The following ITIH2 variants were observed in gnomAD, a reference collection of about 807,000 sequenced individuals.
ITIH2 encodes the protein inter-alpha-trypsin inhibitor heavy chain 2, also known as inter-alpha-trypsin inhibitor heavy chain H2.
ITIH2 carries 103 observed loss-of-function variants against 104.4 expected under a neutral mutation model. That is an observed-to-expected ratio of 0.99 (90% CI 0.84 to 1.16). The LOEUF is 1.16. Among genes scored for constraint, ITIH2 ranks in the 50% most tolerant of loss-of-function variants. The pLI is 0.00. For synonymous variants in ITIH2, 436 were observed against 435.4 expected, an observed-to-expected ratio of 1.00 and a Z score of -0.02; for missense variants, 1,108 against 1,162.4, an observed-to-expected ratio of 0.95 and a Z score of 0.68.
At chr10:7,747,504 G>A (rs1402765074) in intron 20 of ITIH2, among the ~76,000 whole-genome samples, 2 of 152,172 alleles carry the variant, frequency 1.3e-5, no homozygotes, top group African/African-American at 2.4e-5. Context: ...GAGGAATGAG[G>A]TACCGACGGG....
Position 7,717,645 on chromosome 10 carries a change from G to A in ITIH2, c.487G>A (p.Glu163Lys). Residue 163 changes from glutamate (E) to lysine (K), a missense_variant, in exon 6 of 21, where the codon GAA becomes AAA. Physicochemically the swap from Glu to Lys is moderately conservative, Grantham distance 56. Coordinates refer to ENST00000358415, the MANE Select transcript of ITIH2 (RefSeq NM_002216.3). The part of the protein sequence containing the change: ...GLVRSSALDM[E>K]NFRTEVNVLP... ...CTTTAGGAGCAGCGCTCTTGATATG[G>A]AAAACTTCAGAACGGAAGTAAATGT... 1 of 1,613,718 alleles carries A rather than the reference G, an allele frequency of 6.2e-7. No homozygotes were observed. The highest frequency in any genetic ancestry group is 2.2e-5 in the East Asian group (1 of 44,864).
At chr10:7,706,893 T>A (rs1296978771) in intron 2 of ITIH2, among the ~76,000 whole-genome samples, 3 of 152,148 alleles carry the variant, frequency 2.0e-5, no homozygotes, top group Admixed American at 6.5e-5. Flanking sequence ...GCAAATAGCA[T>A]CAAGGGGATA....
intron 9 of ITIH2, among the ~76,000 whole-genome samples, chr10:7,726,337 G>A (rs1834951332): frequency 6.6e-6 from 1 of 152,214 alleles, no homozygotes; most frequent in Non-Finnish European, 1.5e-5. Context: ...AATTGCTGGA[G>A]CCATGATCTT....
At chr10:7,737,794 TAA>T (rs1835080160) in intron 15 of ITIH2, among the ~76,000 whole-genome samples, 1 of 17,642 alleles carries the variant, frequency 5.7e-5, no homozygotes, top group Admixed American at 1.4e-3. Flanking sequence ...ATATTCTATA[TAA>T]TATTCTATAT....
Position 7,746,623 on chromosome 10 carries a change from T to A in ITIH2, c.2612T>A (p.Ile871Asn), listed in dbSNP as rs200273364. 19 of 1,613,554 alleles carry A rather than the reference T, an allele frequency of 1.2e-5. No individual in the cohort carries two copies. In the East Asian group the frequency reaches 4.2e-4, roughly 36 times the overall value. ...TTCATGCAGGAACCAAAGATACACATCTTCAATGAGAGACCAGGAAAGGAC... is the reference window on the plus strand; with the variant it reads ...TTCATGCAGGAACCAAAGATACACAACTTCAATGAGAGACCAGGAAAGGAC... Reference protein sequence around the residue: ...GQFMQEPKIHIFNERPGKDPE... With the variant: ...GQFMQEPKIHNFNERPGKDPE... Residue 871 changes from isoleucine to asparagine, a missense_variant, in exon 20 of 21, where the codon ATC becomes AAC. Ile to Asn is a moderately radical substitution (Grantham distance 149). Transcript: ENST00000358415.
intron 5 of ITIH2, among the ~76,000 whole-genome samples, chr10:7,715,373 A>G (rs58589360): frequency 0.15 from 23,454 of 151,934 alleles, 1,871 homozygotes; most frequent in Admixed American, 0.21. Context: ...GTGAGTCGAC[A>G]TTGTGCCACT....
chr10:7,735,054 G>T lies in ITIH2; in HGVS notation c.1920G>T (p.Leu640=). The stretch of plus-strand genomic sequence containing the variant: ...ACGAGGCTGGGGATGAGCGCATGCT[G>T]GCGGATGCCCCACCGCAGGATCCCT... The part of the protein sequence containing the change: ...IENEAGDERM[L]ADAPPQDPSC... Residue 640 remains leucine, a synonymous_variant, in exon 15 of 21, where the codon CTG becomes CTT. Coordinates refer to ENST00000358415, the MANE Select transcript of ITIH2 (RefSeq NM_002216.3). 1 of 1,612,228 alleles carries T rather than the reference G, an allele frequency of 6.2e-7. No homozygotes were observed. Among genetic ancestry groups the T allele is most frequent in the Non-Finnish European group, 8.5e-7 (1 of 1,179,996 alleles).
chr10:7,708,053 A>G (rs1834763728), intron 3 of ITIH2, among the ~76,000 whole-genome samples: 1 of 152,256 alleles, frequency 6.6e-6, no homozygotes, highest in African/African-American at 2.4e-5. Flanking sequence ...AGAAACTGCC[A>G]GAAGTGCACA....
At chr10:7,716,727 C>A (rs1834853020) in intron 5 of ITIH2, among the ~76,000 whole-genome samples, 1 of 141,314 alleles carries the variant, frequency 7.1e-6, no homozygotes, top group Non-Finnish European at 1.5e-5. Context: ...CAGAGCGAGA[C>A]CCCAGCTCAA....
chr10:7,711,925 C>G lies in ITIH2; in HGVS notation c.363-1256C>G, dbSNP rs143578181. Reference sequence around the variant, plus strand: ...AAATTCTGGATTCTACCACTCTGACCAACCATTACTTGGTAAGGATTAGGT... The same window carrying G: ...AAATTCTGGATTCTACCACTCTGACGAACCATTACTTGGTAAGGATTAGGT... On this transcript the variant is annotated intron_variant, in intron 4 of 20. Coordinates refer to ENST00000358415, the MANE Select transcript of ITIH2 (RefSeq NM_002216.3). 5.8e-3 allele frequency among the ~76,000 whole-genome samples: 879 copies of G among 152,268 alleles called. 7 individuals are homozygous for G. Among genetic ancestry groups the G allele is most frequent in the African/African-American group, 0.02 (831 of 41,544 alleles).
intron 3 of ITIH2, among the ~76,000 whole-genome samples, chr10:7,708,444 T>G (rs1834766666): frequency 6.6e-6 from 1 of 152,208 alleles, no homozygotes; most frequent in African/African-American, 2.4e-5. Flanking sequence ...TGTCTCTTGC[T>G]TACACCCGTC....
chr10:7,749,319 T>C lies in ITIH2; in HGVS notation c.2826T>C (p.Phe942=). Residue 942 remains phenylalanine (F), a synonymous_variant, in exon 21 of 21, where the codon TTT becomes TTC. Coordinates refer to ENST00000358415, the MANE Select transcript of ITIH2 (RefSeq NM_002216.3). ...ACTTCGTGCCTCAGCTCTACAGCTT[T>C]CTCAAACGGCCTTAAAGGTTTATAG... ...KDYFVPQLYS[F]LKRP 6.2e-7 allele frequency: 1 copy of C among 1,614,068 alleles called. No individual in the cohort carries two copies. The highest frequency in any genetic ancestry group is 8.5e-7 in the Non-Finnish European group (1 of 1,179,920).
rs900863559 is a variant in ITIH2, at chr10:7,744,345, C to T, written c.2408+65C>T. The T allele has an allele frequency of 4.8e-6, 6 of 1,241,748 alleles. No individual in the cohort carries two copies. The South Asian group carries it at 6.5e-5, about 13-fold the overall frequency. 76.9% of individuals were successfully genotyped at this position (1,241,748 alleles called of 1,614,324 possible). On this transcript the variant is annotated intron_variant, in intron 18 of 20. Transcript: ENST00000358415. ...ACACGACTGCATAAATAAATCCAGG[C>T]ATCAGTGACATCAACATTGAAAAAA...
intron 5 of ITIH2, among the ~76,000 whole-genome samples, chr10:7,714,050 T>C (rs979181070): frequency 1.3e-5 from 2 of 151,908 alleles, no homozygotes; most frequent in Non-Finnish European, 2.9e-5. Context: ...TTTCCCCTTA[T>C]AATCTAAGTA....
chr10:7,742,070 C>T (rs1417811371), intron 16 of ITIH2, among the ~76,000 whole-genome samples: 1 of 152,226 alleles, frequency 6.6e-6, no homozygotes, highest in Admixed American at 6.5e-5. Flanking sequence ...TTCATTCTAT[C>T]TTACATTCGT....
At position 7,703,811 on chromosome 10, in the gene ITIH2, T is replaced by A. The variant is rs192820434; in HGVS notation, c.84+293T>A. On this transcript the variant is annotated intron_variant, in intron 1 of 20. Coordinates refer to ENST00000358415, the MANE Select transcript of ITIH2 (RefSeq NM_002216.3). ...AAAAAATTGGGGGTAAGAATAGACC[T>A]AACCCAATGGTTTGCTTTGAGAATT... Among the ~76,000 whole-genome samples, 207 of 152,320 alleles carry A rather than the reference T, an allele frequency of 1.4e-3. 2 individuals carry two copies. Among genetic ancestry groups the A allele is most frequent in the African/African-American group, 4.8e-3 (200 of 41,574 alleles).
intron 6 of ITIH2, 113 bp downstream of exon 6, chr10:7,717,901 T>A: frequency 9.6e-7 from 1 of 1,037,336 alleles, no homozygotes; most frequent in Non-Finnish European, 1.4e-6. Context: ...CACTCAACTC[T>A]ACAAGACAGT....
chr10:7,718,727 G>A (rs1347028526), intron 6 of ITIH2, among the ~76,000 whole-genome samples: 1 of 152,002 alleles, frequency 6.6e-6, no homozygotes, highest in Non-Finnish European at 1.5e-5. Flanking sequence ...CTTTCTTTGT[G>A]TCCATGTGTA....
Position 7,738,744 on chromosome 10 carries a change from C to T in ITIH2, c.2081C>T (p.Pro694Leu). The T allele has an allele frequency of 1.2e-6, 2 of 1,611,008 alleles. No homozygotes were observed. Among genetic ancestry groups the T allele is most frequent in the African/African-American group, 1.3e-5 (1 of 74,844 alleles). The stretch of plus-strand genomic sequence containing the variant: ...CAGGTGCTAGAGTCCACGCCACCCC[C>T]ACATGTGATGAGAGGTAACGCTTCT... Reference protein sequence around the residue: ...GSQVLESTPPPHVMRVENDPH... With the variant: ...GSQVLESTPPLHVMRVENDPH... Residue 694 changes from proline to leucine, a missense_variant, in exon 16 of 21, where the codon CCA (proline) becomes CTA (leucine). Coordinates refer to ENST00000358415, the MANE Select transcript of ITIH2 (RefSeq NM_002216.3).
Sources: gnomAD v4.1 joint callset for allele counts (sites outside exome capture counted in the v4.1 genomes callset) on GRCh38, gnomAD v4.1.1 for gene constraint, MANE v1.5 for transcripts, NCBI Gene and HGNC (gene_info 2026-07-23, HGNC 2026-07-21) for gene names.